Variants in MME observed in about 807,000 individuals in gnomAD.
The protein encoded by MME is membrane metalloendopeptidase.
In MME, 98 loss-of-function variants were observed where a neutral mutation model predicts 113.2. That is an observed-to-expected ratio of 0.87 (90% CI 0.74 to 1.02). The LOEUF is 1.02. Ranked by LOEUF, MME falls within the 50% of genes least tolerant of loss-of-function variation. The probability of loss-of-function intolerance (pLI) is 0.00; values close to 1 mark genes in which losing one functional copy is unlikely to be tolerated. For missense variants in MME, 836 were observed against 896.0 expected (o/e 0.93, Z 0.86); for synonymous variants, 292 against 300.6 (o/e 0.97, Z 0.30).
intron 20 of MME, among the ~76,000 whole-genome samples, chr3:155,169,832 T>A (rs1429920292): frequency 6.6e-6 from 1 of 152,022 alleles, no homozygotes; most frequent in Admixed American, 6.6e-5. Flanking sequence ...AATGGTTGGA[T>A]CAGGGAAGAG....
chr3:155,045,314 C>T (rs1444984131), intron 1 of MME, among the ~76,000 whole-genome samples: 1 of 152,014 alleles, frequency 6.6e-6, no homozygotes, highest in African/African-American at 2.4e-5. Context: ...CCACACCTGG[C>T]TAATTTTTGT....
At chr3:155,032,907 C>T (rs1576660829) in intron 1 of MME, among the ~76,000 whole-genome samples, 1 of 152,266 alleles carries the variant, frequency 6.6e-6, no homozygotes, top group Non-Finnish European at 1.5e-5. Flanking sequence ...ATTTCAACCT[C>T]TTTCTATGTA....
chr3:155,140,730 A>G (rs1278700109), intron 10 of MME, among the ~76,000 whole-genome samples: 1 of 152,138 alleles, frequency 6.6e-6, no homozygotes, highest in Non-Finnish European at 1.5e-5. Flanking sequence ...TAAGGCAGCT[A>G]TACAATAATA....
chr3:155,024,482 G>A (rs145335540), intron 1 of MME, among the ~76,000 whole-genome samples: 1 of 152,268 alleles, frequency 6.6e-6, no homozygotes, highest in African/African-American at 2.4e-5. Context: ...GCTTAATTTG[G>A]TGTATGTATT....
At chr3:155,069,184 G>C (rs1288279480) in intron 1 of MME, among the ~76,000 whole-genome samples, 1 of 152,104 alleles carries the variant, frequency 6.6e-6, no homozygotes, top group East Asian at 1.9e-4. Flanking sequence ...TAATGATATG[G>C]ATAAAAACAG....
intron 17 of MME, among the ~76,000 whole-genome samples, chr3:155,162,008 T>G (rs1722753681): frequency 6.6e-6 from 1 of 152,200 alleles, no homozygotes; most frequent in South Asian, 2.1e-4. Context: ...CTAGTTCATT[T>G]GGTACTGAGA....
upstream of MME, among the ~76,000 whole-genome samples, chr3:155,079,023 C>A (rs1484959524): frequency 6.6e-6 from 1 of 152,094 alleles, no homozygotes; most frequent in African/African-American, 2.4e-5. Flanking sequence ...CCACCCTCAA[C>A]CTCCGATGTA....
intron 1 of MME, among the ~76,000 whole-genome samples, chr3:155,055,876 G>T (rs1453891477): frequency 6.6e-6 from 1 of 151,966 alleles, no homozygotes; most frequent in African/African-American, 2.4e-5. Context: ...AACATTATAG[G>T]GTTGAATTAT....
chr3:155,127,324 C>A (rs1259822194), intron 8 of MME, among the ~76,000 whole-genome samples: 1 of 152,182 alleles, frequency 6.6e-6, no homozygotes, highest in Non-Finnish European at 1.5e-5. Context: ...TCAACCTCCT[C>A]TGGTGTTTTT....
chr3:155,060,829 C>CAGAGAGAGACAG (rs1553751131), intron 1 of MME, among the ~76,000 whole-genome samples: 19 of 137,672 alleles, frequency 1.4e-4, no homozygotes, highest in African/African-American at 2.9e-4. Context: ...TGCAGAGAGG[C>CAGAGAGAGACAG]AGAGAGAGAG....
chr3:155,080,661 GAA>G (rs1229906421), intron 1 of MME, among the ~76,000 whole-genome samples, 195 bp downstream of exon 1: 1 of 152,112 alleles, frequency 6.6e-6, no homozygotes, highest in Non-Finnish European at 1.5e-5. Flanking sequence ...TTTTGTAGAT[GAA>G]AGTTTAAGAC....
chr3:155,148,160 T>A (rs563767471), intron 15 of MME, among the ~76,000 whole-genome samples: 2 of 152,232 alleles, frequency 1.3e-5, no homozygotes, highest in Admixed American at 6.5e-5. Context: ...AATATTAGAT[T>A]CTATTAGTAT....
At position 155,180,481 on chromosome 3, in the gene MME, C is replaced by T; in HGVS notation, c.*22C>T. ...GTGATCTTCAAAAGAAGCATTGCAG[C>T]CCTTGGCTAGACTTGCCAACACCAC... On this transcript the variant is annotated 3_prime_UTR_variant, in exon 23 of 23. Coordinates refer to ENST00000360490, the MANE Select transcript of MME (RefSeq NM_007289.4). The T allele has an allele frequency of 6.3e-7, 1 of 1,583,126 alleles. No homozygotes were observed. The highest frequency in any genetic ancestry group is 8.7e-7 in the Non-Finnish European group (1 of 1,152,098).
intron 9 of MME, 70 bp downstream of exon 9, chr3:155,138,306 T>C (rs972007489): frequency 1.3e-6 from 2 of 1,497,678 alleles, no homozygotes; most frequent in African/African-American, 1.4e-5. Flanking sequence ...CTCTCTATCA[T>C]ACTTTAAGAG....
At chr3:155,125,296 C>T (rs1443459780) in intron 8 of MME, among the ~76,000 whole-genome samples, 7 of 94,974 alleles carry the variant, frequency 7.4e-5, no homozygotes, top group African/African-American at 2.1e-4. Context: ...TGCGTGCACC[C>T]ACTGGCCTGC....
chr3:155,172,722 G>GC lies in MME; in HGVS notation c.2153+111dup, dbSNP rs1576674040. On this transcript the variant is annotated intron_variant, in intron 22 of 22. Transcript: ENST00000360490. The stretch of plus-strand genomic sequence containing the variant: ...ATTCTTTTACATTTGGAAATTCAGT[G>GC]CTTTTTTTTTTTTTTGAGAGTCAAA... 5 of 747,876 alleles carry GC rather than the reference G, an allele frequency of 6.7e-6. No homozygotes were observed. In the East Asian group the frequency reaches 1.1e-4, roughly 17 times the overall value. The allele number at this position is 747,876 out of a possible 1,614,324, so 46.3% of individuals were successfully genotyped here. A position where few individuals can be genotyped will look rare whatever the true frequency, so the allele number is the denominator to read the frequency against.
upstream of MME, chr3:155,079,629 G>GA (rs1714930145): frequency 7.0e-6 from 1 of 143,676 alleles, no homozygotes; most frequent in Non-Finnish European, 1.5e-5. Context: ...GGGGTAGGGG[G>GA]TGGGGGGGGT....
In MME at chr3:155,142,075, G is replaced by C. The variant is rs199567914; in HGVS notation, c.1042G>C (p.Ala348Pro). The C allele has an allele frequency of 1.4e-5, 22 of 1,613,698 alleles. No homozygotes were observed. Among genetic ancestry groups the C allele is most frequent in the Non-Finnish European group, 1.8e-5 (21 of 1,179,800 alleles). Residue 348 changes from alanine (A) to proline (P), a missense_variant, in exon 11 of 23, where the codon GCT becomes CCT. Ala to Pro is a conservative substitution (Grantham distance 27). Transcript: ENST00000360490. Reference protein sequence around the residue: ...ITNEEDVVVYAPEYLTKLKPI... With the variant: ...ITNEEDVVVYPPEYLTKLKPI... ...AAATGAGGAAGATGTGGTTGTTTAT[G>C]CTCCAGAATATTTAACCAAACTTAA...
chr3:155,095,660 A>C (rs753685555), intron 3 of MME, among the ~76,000 whole-genome samples: 6 of 152,162 alleles, frequency 3.9e-5, no homozygotes, highest in Non-Finnish European at 7.4e-5. Context: ...AACAACAGGC[A>C]CATGCCACCA....
Sources: gnomAD v4.1 joint callset for allele counts (sites outside exome capture counted in the v4.1 genomes callset) on GRCh38, gnomAD v4.1.1 for gene constraint, MANE v1.5 for transcripts, NCBI Gene and HGNC (gene_info 2026-07-23, HGNC 2026-07-21) for gene names.